CNIH3: variants seen among roughly 807,000 people sequenced by gnomAD.
CNIH3 encodes cornichon family AMPA receptor auxiliary protein 3, also known as protein cornichon homolog 3.
A neutral mutation model predicts 24.1 loss-of-function variants in CNIH3; 14 were observed. The observed-to-expected ratio is 0.58, with a 90% confidence interval of 0.38 to 0.91. The LOEUF (loss-of-function observed/expected upper bound fraction) is 0.91. Ranked by LOEUF, CNIH3 falls within the 40% of genes least tolerant of loss-of-function variation. The probability of loss-of-function intolerance (pLI) is 0.00; values close to 1 mark genes in which losing one functional copy is unlikely to be tolerated. For synonymous variants in CNIH3, 68 were observed against 73.8 expected (o/e 0.92, Z 0.40); for missense variants, 178 against 196.8 (o/e 0.90, Z 0.57).
chr1:224,701,013 C>G (rs1016732607), intron 3 of CNIH3, among the ~76,000 whole-genome samples: 1 of 152,094 alleles, frequency 6.6e-6, no homozygotes, highest in East Asian at 1.9e-4. Context: ...CTTCACTGCC[C>G]AGAAGTTGTC....
At chr1:224,696,154 C>G (rs1243745238) in intron 3 of CNIH3, among the ~76,000 whole-genome samples, 1 of 152,204 alleles carries the variant, frequency 6.6e-6, no homozygotes, top group African/African-American at 2.4e-5. Flanking sequence ...GAGACCCAGG[C>G]TCCTCCCATC....
chr1:224,534,366 A>G (rs1679198973), intron 2 of CNIH3, among the ~76,000 whole-genome samples: 1 of 152,186 alleles, frequency 6.6e-6, no homozygotes, highest in Non-Finnish European at 1.5e-5. Flanking sequence ...TTTACCCAGG[A>G]TGGTAAAACT....
chr1:224,534,641 A>C (rs1041705251), intron 2 of CNIH3, among the ~76,000 whole-genome samples: 2 of 152,226 alleles, frequency 1.3e-5, no homozygotes, highest in Non-Finnish European at 2.9e-5. Flanking sequence ...CAGCAGAGAA[A>C]ACATGGAAAA....
At position 224,622,510 on chromosome 1, in the gene CNIH3, G is replaced by A. The variant is rs961683024; in HGVS notation, c.81+5255G>A. On this transcript the variant is annotated intron_variant, in intron 1 of 5. Coordinates refer to ENST00000272133, the MANE Select transcript of CNIH3 (RefSeq NM_152495.2). Reference sequence around the variant, plus strand: ...ACTCTCCCTGAAAAAGAAAGCTTACGTCATCATTGTATTTCCACTGCAGTC... The same window carrying A: ...ACTCTCCCTGAAAAAGAAAGCTTACATCATCATTGTATTTCCACTGCAGTC... Among the ~76,000 whole-genome samples, 14 of 152,290 alleles carry A rather than the reference G, an allele frequency of 9.2e-5. 1 individual carries two copies. The highest frequency in any genetic ancestry group is 2.4e-4 in the African/African-American group (10 of 41,554).
chr1:224,677,481 T>C (rs1686194343), intron 1 of CNIH3, among the ~76,000 whole-genome samples: 2 of 152,102 alleles, frequency 1.3e-5, no homozygotes, highest in African/African-American at 4.8e-5. Flanking sequence ...GTAGGGACGC[T>C]GAAAGCCTTT....
chr1:224,452,577 T>A lies in CNIH3; in HGVS notation n.203+17715T>A, dbSNP rs185386557. On this transcript the variant is annotated intron_variant and non_coding_transcript_variant, in intron 1 of 5. Transcript: ENST00000471578. ...TGGGCGGATCACAAGGTCAGGAGATTGAGACCATCCTGGCTAACACGGTGA... is the reference window on the plus strand; with the variant it reads ...TGGGCGGATCACAAGGTCAGGAGATAGAGACCATCCTGGCTAACACGGTGA... Among the ~76,000 whole-genome samples the A allele has an allele frequency of 2.0e-5, 3 of 150,370 alleles. No homozygotes were observed. In the East Asian group the frequency reaches 6.0e-4, roughly 30 times the overall value.
intron 1 of CNIH3, among the ~76,000 whole-genome samples, chr1:224,667,365 A>G (rs772111234): frequency 6.6e-6 from 1 of 151,426 alleles, no homozygotes; most frequent in African/African-American, 2.4e-5. Context: ...GCCACAGTTA[A>G]TTAATCAACA....
chr1:224,711,059 T>C (rs1160090043), intron 3 of CNIH3, among the ~76,000 whole-genome samples: 1 of 152,084 alleles, frequency 6.6e-6, no homozygotes, highest in Non-Finnish European at 1.5e-5. Context: ...GTCTTTAAAA[T>C]TGCATCTCCT....
chr1:224,713,462 T>C (rs12125302), intron 3 of CNIH3, among the ~76,000 whole-genome samples: 35,308 of 152,108 alleles, frequency 0.23, 4,403 homozygotes, highest in East Asian at 0.44. Context: ...AGGTCAGGGC[T>C]GCAGTCCTGT....
chr1:224,587,763 A>AC lies in CNIH3; in HGVS notation n.621-594dup, dbSNP rs1159455600. Among the ~76,000 whole-genome samples, 25 of 151,054 alleles carry AC rather than the reference A, an allele frequency of 1.7e-4. 1 individual carries two copies. The highest frequency in any genetic ancestry group is 6.3e-4 in the South Asian group (3 of 4,744). On this transcript the variant is annotated intron_variant and non_coding_transcript_variant, in intron 5 of 5. Coordinates refer to the CNIH3 transcript ENST00000471578. ...AGACCAGCCTGGGTAACATAGGGAG[A>AC]CCCCATCTCTACACAAAAGTTTTAA...
At chr1:224,723,525 G>GC (rs761137665) in intron 3 of CNIH3, among the ~76,000 whole-genome samples, 5 of 152,220 alleles carry the variant, frequency 3.3e-5, no homozygotes, top group African/African-American at 7.2e-5. Context: ...TGGAGAGAAA[G>GC]CCCCTCTGGG....
chr1:224,489,166 T>C (rs1677146965), intron 1 of CNIH3, among the ~76,000 whole-genome samples: 2 of 152,214 alleles, frequency 1.3e-5, no homozygotes, highest in African/African-American at 4.8e-5. Context: ...GGCAGTTAAC[T>C]TGGCTGAATT....
intron 1 of CNIH3, among the ~76,000 whole-genome samples, chr1:224,640,226 ACT>A: frequency 6.6e-6 from 1 of 151,936 alleles, no homozygotes; most frequent in East Asian, 1.9e-4. Context: ...ATGACAGGAC[ACT>A]CTCTGCTCTG....
At chr1:224,560,286 G>A (rs1032702007) in intron 3 of CNIH3, among the ~76,000 whole-genome samples, 2 of 152,070 alleles carry the variant, frequency 1.3e-5, no homozygotes, top group Admixed American at 1.3e-4. Context: ...AATATTGAGT[G>A]GTAGATTTTG....
chr1:224,465,201 C>A (rs1372849695), intron 1 of CNIH3, among the ~76,000 whole-genome samples: 4 of 151,926 alleles, frequency 2.6e-5, no homozygotes, highest in African/African-American at 9.7e-5. Context: ...CCTCCACCTC[C>A]TGGATTCAAG....
At chr1:224,617,407 C>A (rs1429024078) in intron 1 of CNIH3, 152 bp downstream of exon 1, 1 of 894,284 alleles carries the variant, frequency 1.1e-6, no homozygotes, top group South Asian at 1.7e-5. Context: ...CAGTTCGCTG[C>A]ATCCCGCCGG....
chr1:224,738,200 TGGG>T (rs979502711), intron 5 of CNIH3, among the ~76,000 whole-genome samples: 1 of 152,358 alleles, frequency 6.6e-6, no homozygotes, highest in African/African-American at 2.4e-5. Flanking sequence ...AGGCAGGAAT[TGGG>T]GCTGCACACT....
intron 1 of CNIH3, among the ~76,000 whole-genome samples, chr1:224,620,843 A>G (rs1008540237): frequency 2.1e-4 from 32 of 152,308 alleles, no homozygotes; most frequent in African/African-American, 7.5e-4. Flanking sequence ...CTAAGAAAAA[A>G]AAATTGCATG....
At chr1:224,631,925 T>C (rs946533593) in intron 1 of CNIH3, among the ~76,000 whole-genome samples, 2 of 152,168 alleles carry the variant, frequency 1.3e-5, no homozygotes, top group African/African-American at 4.8e-5. Flanking sequence ...CCCTATATAA[T>C]AGAGACATTT....
Sources: gnomAD v4.1 joint callset for allele counts (sites outside exome capture counted in the v4.1 genomes callset) on GRCh38, gnomAD v4.1.1 for gene constraint, MANE v1.5 for transcripts, NCBI Gene and HGNC (gene_info 2026-07-23, HGNC 2026-07-21) for gene names.